Variants in MAST4 observed in about 807,000 individuals in gnomAD.
MAST4 encodes the protein microtubule-associated serine/threonine-protein kinase 4.
In MAST4, 89 loss-of-function variants were observed where a neutral mutation model predicts 162.7. The ratio of observed to expected loss-of-function variants is 0.55; its 90% confidence interval spans 0.46 to 0.65. The LOEUF (loss-of-function observed/expected upper bound fraction) is 0.65, where lower values mean the gene tolerates loss of function less well. MAST4 is among the 30% of genes least tolerant of loss of function. MAST4 has a pLI of 0.00. For missense variants in MAST4, 3,153 were observed against 3,374.0 expected, an observed-to-expected ratio of 0.93 and a Z score of 1.62; for synonymous variants, 1,479 against 1,361.1, an observed-to-expected ratio of 1.09 and a Z score of -1.91.
chr5:66,834,429 C>T (rs1304484311), intron 3 of MAST4, among the ~76,000 whole-genome samples: 2 of 152,088 alleles, frequency 1.3e-5, no homozygotes, highest in Non-Finnish European at 2.9e-5. Context: ...TTGTTGTGCT[C>T]CCCATTAGCA....
chr5:67,038,484 G>T (rs1173814601), intron 4 of MAST4, among the ~76,000 whole-genome samples: 2 of 152,082 alleles, frequency 1.3e-5, no homozygotes, highest in Admixed American at 1.3e-4. Context: ...GGGATTTTTG[G>T]TGGAGTAACG....
In MAST4 at chr5:67,149,471, C is replaced by T. The variant is rs746447777; in HGVS notation, c.3177C>T (p.Ser1059=). The change falls in exon 24 of 29, where the codon TCC becomes TCT. Residue 1059 remains serine, a synonymous_variant. Coordinates refer to ENST00000403625, the MANE Select transcript of MAST4 (RefSeq NM_001164664.2). ...GTACAGATAATTCCTCAAAGCCATC[C>T]AGTGAACCCGCTTCTCACATGGCTC... ...VDSTDNSSKP[S]SEPASHMARQ... is the part of the protein sequence containing the mutation. The T allele has an allele frequency of 6.2e-7, 1 of 1,613,652 alleles. No homozygotes were observed. Among genetic ancestry groups the T allele is most frequent in the Non-Finnish European group, 8.5e-7 (1 of 1,179,782 alleles).
intron 4 of MAST4, among the ~76,000 whole-genome samples, chr5:66,989,871 T>C (rs1749885487): frequency 6.6e-6 from 1 of 152,198 alleles, no homozygotes; most frequent in East Asian, 1.9e-4. Context: ...TTGTAATCAA[T>C]GGCAGAATAT....
At chr5:66,876,904 G>A (rs1413304960) in intron 3 of MAST4, among the ~76,000 whole-genome samples, 1 of 152,192 alleles carries the variant, frequency 6.6e-6, no homozygotes, top group Admixed American at 6.5e-5. Flanking sequence ...TGTGGATAGA[G>A]CTTAAAACAT....
At chr5:66,969,093 A>G (rs910768515) in intron 4 of MAST4, among the ~76,000 whole-genome samples, 29 of 152,360 alleles carry the variant, frequency 1.9e-4, no homozygotes, top group Admixed American at 3.9e-4. Context: ...CTTTGAAGCA[A>G]TAAGAGAATT....
chr5:67,017,216 C>CCA (rs1374289530), intron 4 of MAST4, among the ~76,000 whole-genome samples: 3 of 152,062 alleles, frequency 2.0e-5, no homozygotes, highest in Admixed American at 6.5e-5. Context: ...ATTCTCTAAA[C>CCA]CACACACACA....
chr5:67,130,199 C>T lies in MAST4; in HGVS notation c.1746-11C>T. 9 of 1,606,534 alleles carry T rather than the reference C, an allele frequency of 5.6e-6. No homozygotes were observed. The highest frequency in any genetic ancestry group is 7.7e-6 in the Non-Finnish European group (9 of 1,175,778). Reference sequence around the variant, plus strand: ...CCTCCTGTCAACCCCAATACTTCTGCTCCTTTTCAGGGCAGTCTACTTTGT... The same window carrying T: ...CCTCCTGTCAACCCCAATACTTCTGTTCCTTTTCAGGGCAGTCTACTTTGT... On this transcript the variant is annotated splice_polypyrimidine_tract_variant and intron_variant, in intron 14 of 28. Coordinates refer to ENST00000403625, the MANE Select transcript of MAST4 (RefSeq NM_001164664.2).
Position 67,100,563 on chromosome 5 carries a change from G to C in MAST4, c.1041G>C (p.Thr347=). ...CCACTGAGAACAGATGCAGGAACAC[G>C]CCGATGCGCCCCCGTTCCCGAAGTC... The part of the protein sequence containing the change: ...SIATENRCRN[T]PMRPRSRSLS... The change falls in exon 8 of 29, where the codon ACG becomes ACC. Residue 347 remains threonine, a synonymous_variant. Transcript: ENST00000403625. The C allele has an allele frequency of 6.2e-7, 1 of 1,613,756 alleles. No individual in the cohort carries two copies. The highest frequency in any genetic ancestry group is 8.5e-7 in the Non-Finnish European group (1 of 1,179,812).
At chr5:66,885,833 A>G (rs1179045360) in intron 3 of MAST4, among the ~76,000 whole-genome samples, 2 of 152,222 alleles carry the variant, frequency 1.3e-5, no homozygotes, top group Non-Finnish European at 2.9e-5. Context: ...TGAGTAATTT[A>G]TACTTCCAAA....
chr5:66,614,395 G>C (rs1344265854), intron 1 of MAST4, among the ~76,000 whole-genome samples: 3 of 152,116 alleles, frequency 2.0e-5, no homozygotes, highest in Admixed American at 6.5e-5. Flanking sequence ...TCTACCTGGA[G>C]CTCACAGACA....
chr5:67,132,935 G>T, intron 16 of MAST4, among the ~76,000 whole-genome samples: 1 of 151,916 alleles, frequency 6.6e-6, no homozygotes, highest in Non-Finnish European at 1.5e-5. Context: ...TTAAATTACT[G>T]TAATACCGTA....
rs1440605908 is a variant in MAST4, at chr5:67,166,830, C to T, written c.7651C>T (p.Leu2551Phe). ...MGGASHRDRA[L>F]SVTATVGETK... Reference sequence around the variant, plus strand: ...CGGGGCCAGCCACCGGGACAGGGCTCTCTCGGTGACTGCCACCGTAGGGGA... The same window carrying T: ...CGGGGCCAGCCACCGGGACAGGGCTTTCTCGGTGACTGCCACCGTAGGGGA... Residue 2551 changes from leucine (L) to phenylalanine (F), a missense_variant, in exon 29 of 29, where the codon CTC (leucine) becomes TTC (phenylalanine). Physicochemically the swap from Leu to Phe is conservative, Grantham distance 22. Coordinates refer to ENST00000403625, the MANE Select transcript of MAST4 (RefSeq NM_001164664.2). 15 of 1,604,072 alleles carry T rather than the reference C, an allele frequency of 9.4e-6. No homozygotes were observed. The highest frequency in any genetic ancestry group is 4.0e-5 in the African/African-American group (3 of 74,640).
At chr5:66,964,763 A>G (rs998166567) in intron 4 of MAST4, among the ~76,000 whole-genome samples, 1 of 152,260 alleles carries the variant, frequency 6.6e-6, no homozygotes, top group African/African-American at 2.4e-5. Context: ...AGATCTGGCC[A>G]CTGCACTCCA....
rs1326340471 is a variant in MAST4 at position 67,164,497 on chromosome 5, G to C, written c.5318G>C (p.Gly1773Ala). 1 of 1,613,894 alleles carries C rather than the reference G, an allele frequency of 6.2e-7. No individual in the cohort carries two copies. The highest frequency in any genetic ancestry group is 1.3e-5 in the African/African-American group (1 of 74,926). The change falls in exon 29 of 29, where the codon GGC becomes GCC. Residue 1773 changes from glycine to alanine, a missense_variant. By Grantham distance (60) the Gly-to-Ala change is moderately conservative (BLOSUM62 0). Around this residue, in one of 7 missense-constraint regions of MAST4, gnomAD observed 1,644 missense variants for 1,495.0 expected, o/e 1.10. Coordinates refer to ENST00000403625, the MANE Select transcript of MAST4 (RefSeq NM_001164664.2). The surrounding 1 kb of genome is among the most constrained non-coding windows in gnomAD (Gnocchi z 5.3). ...GRVDSGTEKPGLVAPESPVRK... is the reference protein window; with the variant it reads ...GRVDSGTEKPALVAPESPVRK... Reference sequence around the variant, plus strand: ...GTGGACAGTGGAACGGAGAAGCCTGGCTTGGTTGCTCCTGAGTCCCCTGTT... The same window carrying C: ...GTGGACAGTGGAACGGAGAAGCCTGCCTTGGTTGCTCCTGAGTCCCCTGTT...
chr5:66,667,589 G>C (rs909024482), intron 1 of MAST4, among the ~76,000 whole-genome samples: 6 of 152,134 alleles, frequency 3.9e-5, no homozygotes, highest in Admixed American at 1.3e-4. Flanking sequence ...AGTCATAGTT[G>C]GTCGCCAATT....
chr5:66,994,005 G>C (rs146732454), intron 4 of MAST4, among the ~76,000 whole-genome samples: 1 of 140,440 alleles, frequency 7.1e-6, no homozygotes, highest in Non-Finnish European at 1.5e-5. Context: ...CATGTGTGGA[G>C]AAATACTGCT....
intron 1 of MAST4, among the ~76,000 whole-genome samples, chr5:66,606,679 C>T (rs1281112187): frequency 2.0e-5 from 3 of 152,118 alleles, no homozygotes; most frequent in Non-Finnish European, 4.4e-5. Flanking sequence ...AATTTCTCTT[C>T]GTGAATCTCT....
At chr5:66,885,719 A>G (rs1761994020) in intron 3 of MAST4, among the ~76,000 whole-genome samples, 1 of 152,230 alleles carries the variant, frequency 6.6e-6, no homozygotes, top group African/African-American at 2.4e-5. Flanking sequence ...AGATTCTCTA[A>G]GTTTTCATTG....
intron 1 of MAST4, among the ~76,000 whole-genome samples, chr5:66,639,774 C>G (rs1354490893): frequency 6.6e-6 from 1 of 151,902 alleles, no homozygotes; most frequent in African/African-American, 2.4e-5. Flanking sequence ...ACCTTGTAAT[C>G]TTGAATTTAA....
Sources: allele counts gnomAD v4.1 joint callset (sites outside exome capture counted in the v4.1 genomes callset), GRCh38; gene constraint gnomAD v4.1.1; regional missense constraint gnomAD v4.1.1; non-coding constraint Gnocchi (gnomAD v3.1); transcripts MANE v1.5; gene names NCBI Gene and HGNC (gene_info 2026-07-23, HGNC 2026-07-21).